Variants in PCDHA9 observed in about 807,000 individuals in gnomAD.
PCDHA9 encodes the protein protocadherin alpha 9.
Under a neutral mutation model 62.0 loss-of-function variants are expected in PCDHA9, and 62 were observed. The ratio of observed to expected loss-of-function variants is 1.00; its 90% CI spans 0.81 to 1.23. The LOEUF (loss-of-function observed/expected upper bound fraction) is 1.23. PCDHA9 is among the 50% of genes most tolerant of loss of function. PCDHA9 has a pLI of 0.00. For missense variants in PCDHA9, 1,205 were observed against 1,249.8 expected (o/e 0.96, Z 0.54); for synonymous variants, 557 against 567.6 (o/e 0.98, Z 0.27).
chr5:140,862,365 G>A (rs569361686), intron 1 of PCDHA9: 7 of 337,896 alleles, frequency 2.1e-5, no homozygotes, highest in African/African-American at 1.3e-4. Context: ...CAGACGACCC[G>A]CACCCTGACT....
chr5:140,953,279 A>T (rs2153698724), intron 1 of PCDHA9, among the ~76,000 whole-genome samples: 1 of 152,188 alleles, frequency 6.6e-6, no homozygotes, highest in Non-Finnish European at 1.5e-5. Context: ...TTTGCTCTTT[A>T]TATGTGATTC....
intron 1 of PCDHA9, chr5:140,877,218 G>A: frequency 6.2e-7 from 1 of 1,613,726 alleles, no homozygotes; most frequent in Non-Finnish European, 8.5e-7. Context: ...AGTTGGTACC[G>A]CGGTCGGTGG....
At chr5:140,914,788 T>G (rs2076845575) in intron 1 of PCDHA9, among the ~76,000 whole-genome samples, 1 of 152,192 alleles carries the variant, frequency 6.6e-6, no homozygotes, top group South Asian at 2.1e-4. Context: ...TTATGACCCA[T>G]TATTTTAAAC....
intron 1 of PCDHA9, chr5:140,851,223 A>G (rs1230955113): frequency 8.7e-7 from 1 of 1,147,336 alleles, no homozygotes; most frequent in Non-Finnish European, 1.1e-6. Flanking sequence ...TAACATCACT[A>G]TCATTTATTT....
At chr5:140,898,306 G>T (rs192633483) in intron 1 of PCDHA9, among the ~76,000 whole-genome samples, 3 of 152,228 alleles carry the variant, frequency 2.0e-5, no homozygotes, top group African/African-American at 4.8e-5. Flanking sequence ...TTTCTTCTAG[G>T]GTTTTTATGG....
intron 1 of PCDHA9, chr5:140,869,664 G>T: frequency 6.2e-7 from 1 of 1,613,474 alleles, no homozygotes; most frequent in Non-Finnish European, 8.5e-7. Flanking sequence ...CAAATGGTAA[G>T]CAGATTAAAA....
At chr5:140,934,660 C>T (rs139449604) in intron 1 of PCDHA9, among the ~76,000 whole-genome samples, 2 of 152,152 alleles carry the variant, frequency 1.3e-5, no homozygotes, top group African/African-American at 2.4e-5. Flanking sequence ...TGATTCTTCC[C>T]CTTTGTTTAG....
intron 1 of PCDHA9, chr5:140,855,768 T>C (rs1047449445): frequency 1.8e-5 from 7 of 383,760 alleles, no homozygotes; most frequent in East Asian, 1.3e-4. Flanking sequence ...TCCATAGACA[T>C]AAAAATACGT....
intron 1 of PCDHA9, chr5:140,870,602 A>G: frequency 6.2e-7 from 1 of 1,613,246 alleles, no homozygotes; most frequent in Non-Finnish European, 8.5e-7. Flanking sequence ...CGGTTGGGCG[A>G]CCGCGCGCTG....
At chr5:140,987,824 G>A (rs1032765154) in intron 3 of PCDHA9, among the ~76,000 whole-genome samples, 1 of 151,972 alleles carries the variant, frequency 6.6e-6, no homozygotes, top group Non-Finnish European at 1.5e-5. Flanking sequence ...TGTTTCCTTA[G>A]GGGATTGCTT....
intron 1 of PCDHA9, chr5:140,870,671 A>C (rs782353440): frequency 1.2e-6 from 2 of 1,612,606 alleles, no homozygotes; most frequent in East Asian, 2.2e-5. Flanking sequence ...CAGCCGTTGG[A>C]CCACGAGGAG....
chr5:140,923,885 AGAG>A (rs1190900836), intron 1 of PCDHA9, among the ~76,000 whole-genome samples: 7 of 152,210 alleles, frequency 4.6e-5, no homozygotes, highest in Non-Finnish European at 8.8e-5. Flanking sequence ...AGCGTGTGAA[AGAG>A]GAGGAGTTTC....
At chr5:140,931,235 C>T (rs1563126725) in intron 1 of PCDHA9, among the ~76,000 whole-genome samples, 1 of 152,116 alleles carries the variant, frequency 6.6e-6, no homozygotes, top group Non-Finnish European at 1.5e-5. Flanking sequence ...AATATGTGAA[C>T]ACTTTTCCTA....
intron 3 of PCDHA9, among the ~76,000 whole-genome samples, chr5:141,004,378 G>C (rs914260481): frequency 6.6e-6 from 1 of 152,316 alleles, no homozygotes; most frequent in South Asian, 2.1e-4. Context: ...TCTGCTCTGC[G>C]GAAGCTGGAC....
At chr5:141,002,503 A>G (rs924059580) in intron 3 of PCDHA9, among the ~76,000 whole-genome samples, 1 of 152,226 alleles carries the variant, frequency 6.6e-6, no homozygotes, top group African/African-American at 2.4e-5. Flanking sequence ...ACAGCTCAGG[A>G]TCTGAGTCTC....
At position 140,850,278 on chromosome 5, in the gene PCDHA9, C is replaced by A. The variant is rs2150477296; in HGVS notation, c.1783C>A (p.Arg595Ser). Residue 595 changes from arginine to serine, a missense_variant, in exon 1 of 4, where the codon CGC (arginine) becomes AGC (serine). Transcript: ENST00000532602. ...VGAGVVVGKV[R>S]AVDADSGYNA... is the part of the protein sequence containing the mutation. ...CGCCGGCGTAGTGGTGGGGAAGGTG[C>A]GCGCAGTGGACGCCGACTCGGGCTA... is the stretch of plus-strand genomic sequence containing the variant. 5 of 1,595,340 alleles carry A rather than the reference C, an allele frequency of 3.1e-6. 1 individual carries two copies. Among genetic ancestry groups the A allele is most frequent in the South Asian group, 1.1e-5 (1 of 90,456 alleles).
chr5:140,922,926 T>C (rs1476173998), intron 1 of PCDHA9, among the ~76,000 whole-genome samples: 2 of 152,222 alleles, frequency 1.3e-5, no homozygotes, highest in African/African-American at 4.8e-5. Context: ...CTTCAGACTT[T>C]TACTTCCAGC....
chr5:140,966,974 C>A, intron 1 of PCDHA9: 1 of 1,602,874 alleles, frequency 6.2e-7, no homozygotes, highest in Non-Finnish European at 8.5e-7. Context: ...GCTTGAGCTG[C>A]GGCGCTTGGG....
At chr5:140,892,136 G>T (rs1441807118) in intron 1 of PCDHA9, among the ~76,000 whole-genome samples, 1 of 152,254 alleles carries the variant, frequency 6.6e-6, no homozygotes, top group East Asian at 1.9e-4. Flanking sequence ...TAAGCTCATG[G>T]TTTTAGCGTC....
Sources: gnomAD v4.1 joint callset for allele counts (sites outside exome capture counted in the v4.1 genomes callset) on GRCh38, gnomAD v4.1.1 for gene constraint, MANE v1.5 for transcripts, NCBI Gene and HGNC (gene_info 2026-07-23, HGNC 2026-07-21) for gene names.